Variants in MGAT4C observed in about 807,000 individuals in gnomAD.
MGAT4C encodes MGAT4 family member C, also known as alpha-1,3-mannosyl-glycoprotein 4-beta-N-acetylglucosaminyltransferase C.
A neutral mutation model predicts 40.1 loss-of-function variants in MGAT4C; 19 were observed. The ratio of observed to expected loss-of-function variants is 0.47; its 90% confidence interval spans 0.33 to 0.70. The LOEUF is 0.70. Ranked by LOEUF, MGAT4C falls within the 30% of genes least tolerant of loss-of-function variation. MGAT4C has a pLI of 0.02. For missense variants in MGAT4C, 491 were observed against 563.2 expected (o/e 0.87, Z 1.30); for synonymous variants, 181 against 187.1 (o/e 0.97, Z 0.27).
rs190342780 is a variant in MGAT4C, at chr12:86,347,912, T to A, written c.-119-13785A>T. On this transcript the variant is annotated intron_variant, in intron 3 of 7. Transcript: ENST00000548651. ...TTTAATTCACATCAAGTTGATAAAA[T>A]CATATTTTATTCTGTAACAATGTGC... 4.1e-4 allele frequency among the ~76,000 whole-genome samples: 62 copies of A among 152,304 alleles called. No homozygotes were observed. In the East Asian group the frequency reaches 0.01, roughly 25 times the overall value.
At chr12:86,481,706 T>C (rs773590118) in intron 2 of MGAT4C, among the ~76,000 whole-genome samples, 21 of 151,984 alleles carry the variant, frequency 1.4e-4, no homozygotes, top group Non-Finnish European at 2.5e-4. Flanking sequence ...AAATAAATCA[T>C]ATTGAAAAAT....
chr12:86,653,383 C>T (rs879360527), intron 2 of MGAT4C, among the ~76,000 whole-genome samples: 1 of 151,722 alleles, frequency 6.6e-6, no homozygotes, highest in Non-Finnish European at 1.5e-5. Flanking sequence ...CATTCCACAA[C>T]CAGTAGAAAG....
At chr12:86,607,406 A>G (rs1962080021) in intron 2 of MGAT4C, among the ~76,000 whole-genome samples, 1 of 152,116 alleles carries the variant, frequency 6.6e-6, no homozygotes, top group Non-Finnish European at 1.5e-5. Context: ...TACATACAAC[A>G]TAACAGAATT....
intron 2 of MGAT4C, among the ~76,000 whole-genome samples, chr12:86,562,296 A>AG (rs1959905311): frequency 6.6e-6 from 1 of 152,162 alleles, no homozygotes; most frequent in African/African-American, 2.4e-5. Flanking sequence ...CTGCAAGGAA[A>AG]GGTGCACTCT....
intron 2 of MGAT4C, among the ~76,000 whole-genome samples, chr12:86,477,017 A>G (rs80170280): frequency 0.028 from 4,296 of 152,148 alleles, 171 homozygotes; most frequent in African/African-American, 0.09. Flanking sequence ...CCATATCACA[A>G]ACCTCAGCAT....
At chr12:86,405,614 T>C (rs1956449256) in intron 3 of MGAT4C, among the ~76,000 whole-genome samples, 5 of 151,902 alleles carry the variant, frequency 3.3e-5, no homozygotes, top group Admixed American at 3.3e-4. Context: ...GTTTTTTATA[T>C]AAAATTCATA....
At position 85,975,584 on chromosome 12, in the gene MGAT4C, G is replaced by A. The variant is rs1009198885; in HGVS notation, c.*3705C>T. On this transcript the variant is annotated 3_prime_UTR_variant, in exon 5 of 5. Coordinates refer to ENST00000611864, the MANE Select transcript of MGAT4C (RefSeq NM_001351288.2). ...ATGAACCTTCTGTTTTGTCTCCCAT[G>A]AAGACAAAAGGCATGCATATAAAAT... 11 of 150,876 alleles carry A rather than the reference G, an allele frequency of 7.3e-5. No individual in the cohort carries two copies. Among genetic ancestry groups the A allele is most frequent in the Non-Finnish European group, 1.6e-4 (11 of 67,112 alleles). 9.3% of individuals were successfully genotyped at this position (150,876 alleles called of 1,614,324 possible).
chr12:86,296,889 A>T (rs1304462193), intron 4 of MGAT4C, among the ~76,000 whole-genome samples: 3 of 152,216 alleles, frequency 2.0e-5, no homozygotes, highest in African/African-American at 7.2e-5. Flanking sequence ...CCGAAGTGGG[A>T]GCCCAGGCAG....
intron 2 of MGAT4C, among the ~76,000 whole-genome samples, chr12:86,506,348 C>A (rs932039750): frequency 6.6e-6 from 1 of 152,000 alleles, no homozygotes; most frequent in African/African-American, 2.4e-5. Context: ...AATAAATAAA[C>A]AAATATATTT....
chr12:86,787,466 T>C (rs1047768199), intron 1 of MGAT4C, among the ~76,000 whole-genome samples: 2 of 152,080 alleles, frequency 1.3e-5, no homozygotes, highest in African/African-American at 4.8e-5. Flanking sequence ...TGATAATTCA[T>C]TTTCCTTTGG....
At chr12:86,767,623 T>C (rs1473820244) in intron 1 of MGAT4C, among the ~76,000 whole-genome samples, 4 of 152,146 alleles carry the variant, frequency 2.6e-5, no homozygotes, top group African/African-American at 4.8e-5. Flanking sequence ...CTCTATAAAA[T>C]ACTGGCAAAC....
At chr12:86,035,080 T>A (rs111507433) in intron 2 of MGAT4C, among the ~76,000 whole-genome samples, 12,727 of 150,008 alleles carry the variant, frequency 0.085, 1,448 homozygotes, top group African/African-American at 0.23. Context: ...TTCTAACCCT[T>A]TGGGTACATA....
At chr12:86,268,999 T>G (rs2405933) in intron 4 of MGAT4C, among the ~76,000 whole-genome samples, 78,808 of 120,516 alleles carry the variant, frequency 0.65, 26,714 homozygotes, top group South Asian at 0.78. Flanking sequence ...TTTGTATATA[T>G]TCTTTCATAC....
chr12:86,233,553 G>T (rs1002462975), intron 1 of MGAT4C, among the ~76,000 whole-genome samples: 2 of 152,080 alleles, frequency 1.3e-5, no homozygotes, highest in Admixed American at 6.6e-5. Flanking sequence ...TATTTTGTTG[G>T]TGAATTCCAG....
chr12:86,090,533 T>A (rs1872701832), intron 1 of MGAT4C, among the ~76,000 whole-genome samples: 1 of 151,768 alleles, frequency 6.6e-6, no homozygotes, highest in Non-Finnish European at 1.5e-5. Flanking sequence ...TTGCAGTACT[T>A]TTCTCTCATG....
chr12:86,516,707 G>C (rs772835598), intron 2 of MGAT4C, among the ~76,000 whole-genome samples: 1 of 152,108 alleles, frequency 6.6e-6, no homozygotes, highest in Non-Finnish European at 1.5e-5. Context: ...GAAAATGTTT[G>C]CAAATCCTGT....
chr12:86,436,467 G>T (rs773177459), intron 2 of MGAT4C, among the ~76,000 whole-genome samples: 1 of 151,516 alleles, frequency 6.6e-6, no homozygotes, highest in African/African-American at 2.4e-5. Flanking sequence ...TTAATAGTTT[G>T]TATCAGTTAA....
At position 85,977,408 on chromosome 12, in the gene MGAT4C, G is replaced by A. The variant is rs1884074655; in HGVS notation, c.*1881C>T. 1 of 151,386 alleles carries A rather than the reference G, an allele frequency of 6.6e-6. No individual in the cohort carries two copies. The highest frequency in any genetic ancestry group is 1.5e-5 in the Non-Finnish European group (1 of 67,498). The allele number at this position is 151,386 out of a possible 1,614,324, so 9.4% of individuals were successfully genotyped here. Reference sequence around the variant, plus strand: ...AATAAAGAAAATAGAACATTTTTAGGTGTCTGGCAAGTATCCTCTAAATCA... The same window carrying A: ...AATAAAGAAAATAGAACATTTTTAGATGTCTGGCAAGTATCCTCTAAATCA... On this transcript the variant is annotated 3_prime_UTR_variant, in exon 5 of 5. Transcript: ENST00000611864.
chr12:86,214,391 A>G (rs1950591633), intron 1 of MGAT4C, among the ~76,000 whole-genome samples: 1 of 152,142 alleles, frequency 6.6e-6, no homozygotes, highest in Non-Finnish European at 1.5e-5. Context: ...ATTTTTACCT[A>G]TAGACTATAA....
Sources: allele counts gnomAD v4.1 joint callset (sites outside exome capture counted in the v4.1 genomes callset), GRCh38; gene constraint gnomAD v4.1.1; transcripts MANE v1.5; gene names NCBI Gene and HGNC (gene_info 2026-07-23, HGNC 2026-07-21).